Variants in TXK observed in about 807,000 individuals in gnomAD.
TXK encodes TXK tyrosine kinase.
A neutral mutation model predicts 81.0 loss-of-function variants in TXK; 60 were observed. The ratio of observed to expected loss-of-function variants is 0.74; its 90% CI spans 0.60 to 0.92. TXK has a LOEUF of 0.92. Among genes scored for constraint, TXK ranks in the 40% least tolerant of loss-of-function variants. The pLI is 0.00. For missense variants in TXK, 581 were observed against 638.3 expected (o/e 0.91, Z 0.97); for synonymous variants, 203 against 210.7 (o/e 0.96, Z 0.32).
intron 1 of TXK, among the ~76,000 whole-genome samples, chr4:48,124,349 G>T (rs1228406277): frequency 6.6e-6 from 1 of 152,030 alleles, no homozygotes; most frequent in Admixed American, 6.5e-5. Context: ...GTTCCCTGGG[G>T]GCAAAATCAA....
intron 1 of TXK, among the ~76,000 whole-genome samples, chr4:48,123,449 C>G (rs1344059470): frequency 1.3e-5 from 2 of 152,188 alleles, no homozygotes; most frequent in African/African-American, 2.4e-5. Context: ...CCACAGAAAA[C>G]TTAGATTCTT....
At chr4:48,133,225 GGT>G (rs200282283) in intron 1 of TXK, among the ~76,000 whole-genome samples, 5,661 of 19,210 alleles carry the variant, frequency 0.29, 302 homozygotes, top group East Asian at 0.55. Flanking sequence ...TATTCTGCTT[GGT>G]TTTTTTTTTT....
At chr4:48,067,784 G>T in intron 14 of TXK, 79 bp from the exon 15 acceptor site, 1 of 1,363,028 alleles carries the variant, frequency 7.3e-7, no homozygotes. Flanking sequence ...CGCTAAGCAT[G>T]TGGGAGTCAC....
intron 1 of TXK, among the ~76,000 whole-genome samples, chr4:48,128,561 C>CTTTTTTT (rs58431850): frequency 3.5e-4 from 30 of 85,290 alleles, no homozygotes; most frequent in Admixed American, 8.6e-4. Flanking sequence ...CCACTACATC[C>CTTTTTTT]TTTTTTTTTT....
intron 6 of TXK, among the ~76,000 whole-genome samples, chr4:48,098,452 T>C (rs1718067924): frequency 6.6e-6 from 1 of 152,186 alleles, no homozygotes. Flanking sequence ...CCACAGTTAC[T>C]TTTGCACCAA....
At chr4:48,128,096 T>C (rs1719141418) in intron 1 of TXK, among the ~76,000 whole-genome samples, 1 of 152,228 alleles carries the variant, frequency 6.6e-6, no homozygotes, top group African/African-American at 2.4e-5. Flanking sequence ...CGCTTCCTCA[T>C]GTCTAATGTT....
chr4:48,087,576 C>G (rs981765436), intron 9 of TXK, among the ~76,000 whole-genome samples: 1 of 152,060 alleles, frequency 6.6e-6, no homozygotes, highest in African/African-American at 2.4e-5. Flanking sequence ...GCTGGGATTA[C>G]AGGCACGCCA....
intron 12 of TXK, 77 bp from the exon 13 acceptor site, chr4:48,074,130 C>G: frequency 1.8e-6 from 2 of 1,128,272 alleles, no homozygotes; most frequent in Non-Finnish European, 2.6e-6. Context: ...TTAGTTAACT[C>G]TAAGTTGCTA....
intron 1 of TXK, among the ~76,000 whole-genome samples, chr4:48,132,818 C>A (rs1242965780): frequency 6.6e-6 from 1 of 151,842 alleles, no homozygotes; most frequent in Non-Finnish European, 1.5e-5. Context: ...TGGTGGCATG[C>A]GCCTGTAGTC....
chr4:48,101,506 G>A (rs1268587935), intron 6 of TXK, among the ~76,000 whole-genome samples: 3 of 151,884 alleles, frequency 2.0e-5, no homozygotes, highest in African/African-American at 7.2e-5. Flanking sequence ...GATAAATGCT[G>A]AATAAAATAT....
chr4:48,096,020 T>C (rs1426818276), intron 6 of TXK, among the ~76,000 whole-genome samples: 1 of 152,234 alleles, frequency 6.6e-6, no homozygotes, highest in Non-Finnish European at 1.5e-5. Flanking sequence ...CTTACACTTA[T>C]AAAGTGCTGG....
intron 1 of TXK, among the ~76,000 whole-genome samples, chr4:48,127,959 A>C (rs1719136244): frequency 6.6e-6 from 1 of 152,166 alleles, no homozygotes; most frequent in South Asian, 2.1e-4. Context: ...ACCAGGGGGC[A>C]CTGGAAGAAA....
chr4:48,117,406 A>T (rs1397559436), intron 1 of TXK, among the ~76,000 whole-genome samples: 1 of 152,186 alleles, frequency 6.6e-6, no homozygotes, highest in Non-Finnish European at 1.5e-5. Flanking sequence ...TAATGTTTAA[A>T]CAAAGTCCTC....
intron 5 of TXK, among the ~76,000 whole-genome samples, chr4:48,110,167 CA>C (rs762531274): frequency 3.9e-5 from 6 of 152,168 alleles, no homozygotes; most frequent in Non-Finnish European, 7.3e-5. Flanking sequence ...ATTTCTAAAA[CA>C]TATAAAAACA....
intron 6 of TXK, among the ~76,000 whole-genome samples, chr4:48,096,129 TC>T (rs1577664987): frequency 6.6e-6 from 1 of 152,166 alleles, no homozygotes; most frequent in East Asian, 1.9e-4. Context: ...TCCTTCTCAT[TC>T]CAGATATTCA....
At chr4:48,132,209 C>G (rs1424892115) in intron 1 of TXK, among the ~76,000 whole-genome samples, 3 of 152,118 alleles carry the variant, frequency 2.0e-5, no homozygotes, top group African/African-American at 7.2e-5. Context: ...TTGCTTTAAT[C>G]TGATATGACT....
At chr4:48,116,579 GA>G (rs1718819504) in intron 1 of TXK, among the ~76,000 whole-genome samples, 2 of 152,244 alleles carry the variant, frequency 1.3e-5, no homozygotes, top group Admixed American at 1.3e-4. Context: ...AAGGTTACCA[GA>G]ACCTAGAAGG....
intron 6 of TXK, among the ~76,000 whole-genome samples, chr4:48,101,880 T>C (rs1375535524): frequency 6.6e-6 from 1 of 151,134 alleles, no homozygotes; most frequent in Admixed American, 6.6e-5. Flanking sequence ...AAGAAAACAA[T>C]ATAAAGTTCT....
chr4:48,133,704 C>T (rs773129241), intron 1 of TXK, among the ~76,000 whole-genome samples: 2 of 152,252 alleles, frequency 1.3e-5, no homozygotes, highest in Non-Finnish European at 2.9e-5. Context: ...GACTTCTCTT[C>T]CTTTTGCCTT....
Sources: gnomAD v4.1 joint callset for allele counts (sites outside exome capture counted in the v4.1 genomes callset) on GRCh38, gnomAD v4.1.1 for gene constraint, MANE v1.5 for transcripts, NCBI Gene and HGNC (gene_info 2026-07-23, HGNC 2026-07-21) for gene names.